The following DMD variants were observed in gnomAD, a reference collection of about 807,000 sequenced individuals.
DMD encodes the protein dystrophin.
DMD carries 63 observed loss-of-function variants against 330.1 expected under a neutral mutation model. The ratio of observed to expected loss-of-function variants is 0.19; its 90% confidence interval spans 0.16 to 0.24. DMD has a LOEUF of 0.24. Among genes scored for constraint, DMD ranks in the 10% least tolerant of loss-of-function variants. The pLI is 1.00. For synonymous variants in DMD, 1,223 were observed against 959.8 expected (o/e 1.27, Z -5.07); for missense variants, 3,344 against 2,684.1 (o/e 1.25, Z -5.43).
In DMD at chrX:32,727,356, G is replaced by C. The variant is rs932373124; in HGVS notation, c.650-28063C>G. Among the ~76,000 whole-genome samples the C allele has an allele frequency of 3.6e-5, 4 of 110,944 alleles. No homozygotes were observed. The Admixed American group carries it at 3.9e-4, about 11-fold the overall frequency. On this transcript the variant is annotated intron_variant, in intron 7 of 78. Coordinates refer to ENST00000357033, the MANE Select transcript of DMD (RefSeq NM_004006.3). ...TATAGAGATGAATTCATTGAGACTTGTATAAAAATGGTTTCACGAGACCAT... is the reference window on the plus strand; with the variant it reads ...TATAGAGATGAATTCATTGAGACTTCTATAAAAATGGTTTCACGAGACCAT...
chrX:33,183,062 A>G (rs933430459), intron 1 of DMD, among the ~76,000 whole-genome samples: 2 of 111,975 alleles, frequency 1.8e-5, no homozygotes, highest in Non-Finnish European at 3.8e-5. Flanking sequence ...GCTAGATTGT[A>G]CCTTTAGACT....
At chrX:31,293,204 A>AGTGTGT (rs559104990) in intron 62 of DMD, among the ~76,000 whole-genome samples, 2,788 of 58,391 alleles carry the variant, frequency 0.048, 108 homozygotes, top group African/African-American at 0.093. Flanking sequence ...AGTCTGGTTT[A>AGTGTGT]GTGTGTGTGT....
intron 42 of DMD, among the ~76,000 whole-genome samples, chrX:32,296,032 A>C (rs1418202471): frequency 8.9e-6 from 1 of 112,361 alleles, no homozygotes; most frequent in Non-Finnish European, 1.9e-5. Flanking sequence ...AGTTTTAAAT[A>C]TATTTTTGTA....
At chrX:32,681,350 G>C (rs888313455) in intron 9 of DMD, among the ~76,000 whole-genome samples, 2 of 111,138 alleles carry the variant, frequency 1.8e-5, no homozygotes, top group Admixed American at 9.6e-5. Flanking sequence ...ATATTTGTAC[G>C]ATCTCTCCAA....
At chrX:31,512,088 T>C (rs1456272586) in intron 55 of DMD, among the ~76,000 whole-genome samples, 2 of 110,295 alleles carry the variant, frequency 1.8e-5, no homozygotes, top group Non-Finnish European at 1.9e-5. Flanking sequence ...TGGCCAGTGA[T>C]GGTGAGCATT....
chrX:33,085,619 C>T (rs912068824), intron 1 of DMD, among the ~76,000 whole-genome samples: 3 of 112,068 alleles, frequency 2.7e-5, no homozygotes, highest in Non-Finnish European at 5.6e-5. Context: ...TTTTGTAAAT[C>T]CATAATATGC....
Position 31,932,139 on chromosome X carries a change from T to C in DMD, c.6703A>G (p.Ser2235Gly). 8.3e-7 allele frequency: 1 copy of C among 1,203,998 alleles called. No individual in the cohort carries two copies. The highest frequency in any genetic ancestry group is 1.1e-6 in the Non-Finnish European group (1 of 888,316). The change falls in exon 46 of 79, where the codon AGT becomes GGT. Residue 2235 changes from serine (S) to glycine (G), a missense_variant. Physicochemically the swap from Ser to Gly is moderately conservative, Grantham distance 56. Coordinates refer to ENST00000357033, the MANE Select transcript of DMD (RefSeq NM_004006.3). ...LWLEEADNIASIPLEPGKEQQ... is the reference protein window; with the variant it reads ...LWLEEADNIAGIPLEPGKEQQ... ...TCTTTTCCAGGTTCAAGTGGGATAC[T>C]AGCAATGTTATCTGCTTCCTCCAAC...
At chrX:32,781,336 G>A (rs1363778612) in intron 7 of DMD, among the ~76,000 whole-genome samples, 1 of 111,038 alleles carries the variant, frequency 9.0e-6, no homozygotes, top group African/African-American at 3.3e-5. Context: ...GGAATTTTAC[G>A]TTGGATTAAA....
intron 1 of DMD, among the ~76,000 whole-genome samples, chrX:33,081,446 G>T (rs1469812725): frequency 6.3e-5 from 7 of 111,376 alleles, no homozygotes; most frequent in African/African-American, 2.3e-4. Context: ...GCTAATTTTT[G>T]TATTTTTCTT....
intron 1 of DMD, among the ~76,000 whole-genome samples, chrX:33,278,146 A>G (rs374943165): frequency 8.9e-6 from 1 of 111,825 alleles, no homozygotes; most frequent in South Asian, 3.8e-4. Flanking sequence ...CATGCAATAT[A>G]CATTCATTTT....
chrX:31,521,973 T>C (rs1312769253), intron 55 of DMD, among the ~76,000 whole-genome samples: 1 of 111,408 alleles, frequency 9.0e-6, no homozygotes, highest in Non-Finnish European at 1.9e-5. Context: ...GTAAGTTCTC[T>C]ATTTTAAAGA....
At chrX:32,581,927 TA>T (rs1339542332) in intron 13 of DMD, among the ~76,000 whole-genome samples, 15 of 112,046 alleles carry the variant, frequency 1.3e-4, no homozygotes, top group African/African-American at 3.9e-4. Context: ...ATTTGACATA[TA>T]GCAGAATAAA....
intron 52 of DMD, among the ~76,000 whole-genome samples, chrX:31,713,246 C>T: frequency 9.5e-6 from 1 of 105,308 alleles, no homozygotes; most frequent in Middle Eastern, 4.8e-3. Flanking sequence ...TGATCTACTT[C>T]TTCTATGATA....
intron 18 of DMD, among the ~76,000 whole-genome samples, chrX:32,512,446 T>G (rs2045434778): frequency 8.9e-6 from 1 of 112,279 alleles, no homozygotes; most frequent in Non-Finnish European, 1.9e-5. Context: ...TAAATGCAAC[T>G]GCAGAACTGA....
At chrX:31,959,944 C>G (rs768614427) in intron 45 of DMD, among the ~76,000 whole-genome samples, 1 of 108,817 alleles carries the variant, frequency 9.2e-6, no homozygotes, top group Admixed American at 9.9e-5. Context: ...TTCTTAGTAG[C>G]GATGTGGTTT....
chrX:33,043,671 A>G (rs2094336318), intron 1 of DMD, among the ~76,000 whole-genome samples: 1 of 112,064 alleles, frequency 8.9e-6, no homozygotes, highest in Non-Finnish European at 1.9e-5. Context: ...TTTAGATTAT[A>G]AAAACAATCA....
At chrX:32,925,003 G>A (rs958939399) in intron 2 of DMD, among the ~76,000 whole-genome samples, 7 of 110,369 alleles carry the variant, frequency 6.3e-5, no homozygotes, top group Non-Finnish European at 9.5e-5. Flanking sequence ...AGATACACTC[G>A]GAATTAGTGG....
At chrX:32,052,264 ATT>A (rs11285928) in intron 44 of DMD, among the ~76,000 whole-genome samples, 2 of 105,741 alleles carry the variant, frequency 1.9e-5, no homozygotes, top group African/African-American at 6.8e-5. Context: ...AAGGTCCATA[ATT>A]TTTTTTTTTA....
At chrX:32,118,655 C>T (rs2096621465) in intron 44 of DMD, among the ~76,000 whole-genome samples, 1 of 110,694 alleles carries the variant, frequency 9.0e-6, no homozygotes, top group Non-Finnish European at 1.9e-5. Flanking sequence ...TTTAATGAGT[C>T]ACCTGGAAAT....
Sources: allele counts gnomAD v4.1 joint callset (sites outside exome capture counted in the v4.1 genomes callset), GRCh38; gene constraint gnomAD v4.1.1; transcripts MANE v1.5; gene names NCBI Gene and HGNC (gene_info 2026-07-23, HGNC 2026-07-21).